The following RFX3 variants were observed in gnomAD, a reference collection of about 807,000 sequenced individuals.
RFX3 encodes transcription factor RFX3.
In RFX3, 14 loss-of-function variants were observed where a neutral mutation model predicts 98.6. The observed-to-expected ratio is 0.14, with a 90% CI of 0.09 to 0.22. RFX3 has a LOEUF of 0.22. Ranked by LOEUF, RFX3 falls within the 10% of genes least tolerant of loss-of-function variation. The probability of loss-of-function intolerance (pLI) is 1.00; values close to 1 mark genes in which losing one functional copy is unlikely to be tolerated. For missense variants in RFX3, 639 were observed against 926.9 expected (o/e 0.69, Z 4.03); for synonymous variants, 383 against 328.4 (o/e 1.17, Z -1.80).
At chr9:3,269,958 G>A (rs1451574319) in intron 11 of RFX3, among the ~76,000 whole-genome samples, 1 of 151,888 alleles carries the variant, frequency 6.6e-6, no homozygotes, top group African/African-American at 2.4e-5. Context: ...GTGTCCTTGG[G>A]TAGAATAATT....
chr9:3,459,134 TGA>T (rs986831219), intron 1 of RFX3, among the ~76,000 whole-genome samples: 39 of 152,208 alleles, frequency 2.6e-4, no homozygotes, highest in African/African-American at 9.4e-4. Flanking sequence ...CCCTATCACT[TGA>T]GAGATGAATC....
chr9:3,419,025 T>C (rs561966282), intron 1 of RFX3, among the ~76,000 whole-genome samples: 30 of 152,364 alleles, frequency 2.0e-4, no homozygotes, highest in African/African-American at 6.0e-4. Context: ...CCAGAATTTA[T>C]AGATTTGAAT....
At chr9:3,300,317 T>A (rs1187718810) in intron 5 of RFX3, among the ~76,000 whole-genome samples, 1 of 151,806 alleles carries the variant, frequency 6.6e-6, no homozygotes, top group African/African-American at 2.4e-5. Flanking sequence ...GTATAATTTG[T>A]CACCAAATTT....
At position 3,396,111 on chromosome 9, in the gene RFX3, C is replaced by T. The variant is rs543656735; in HGVS notation, c.-8-515G>A. 7.3e-5 allele frequency among the ~76,000 whole-genome samples: 11 copies of T among 151,676 alleles called. No homozygotes were observed. In the East Asian group the frequency reaches 1.6e-3, roughly 21 times the overall value. ...TGTGCAGGTTAGTTACATATGTATA[C>T]GTGTGCCATGTTGGTGTGCTATACC... On this transcript the variant is annotated intron_variant, in intron 1 of 16. Transcript: ENST00000617270.
intron 3 of RFX3, among the ~76,000 whole-genome samples, chr9:3,339,325 T>C (rs1030123384): frequency 6.6e-6 from 1 of 152,116 alleles, no homozygotes; most frequent in Non-Finnish European, 1.5e-5. Flanking sequence ...CTGAAATCAA[T>C]TTTAGCAGAA....
intron 1 of RFX3, among the ~76,000 whole-genome samples, chr9:3,497,155 T>C (rs963262593): frequency 3.3e-5 from 5 of 152,038 alleles, no homozygotes; most frequent in African/African-American, 4.8e-5. Context: ...TGACAAAGTC[T>C]TGAAATGTTA....
At chr9:3,304,515 T>C (rs1445027940) in intron 4 of RFX3, among the ~76,000 whole-genome samples, 1 of 151,962 alleles carries the variant, frequency 6.6e-6, no homozygotes, top group Non-Finnish European at 1.5e-5. Flanking sequence ...CACCCAAATC[T>C]CATCTTGAAT....
intron 1 of RFX3, among the ~76,000 whole-genome samples, chr9:3,427,422 T>A (rs1414140285): frequency 5.8e-5 from 8 of 138,180 alleles, no homozygotes; most frequent in Non-Finnish European, 1.2e-4. Flanking sequence ...TATATAATAA[T>A]ACAATATATA....
chr9:3,247,664 A>G (rs1382612318), intron 15 of RFX3: 1 of 1,427,158 alleles, frequency 7.0e-7, no homozygotes, highest in Non-Finnish European at 9.2e-7. Flanking sequence ...TACAAAATAC[A>G]TATTTAATCC....
intron 16 of RFX3, among the ~76,000 whole-genome samples, chr9:3,226,594 G>A (rs749634333): frequency 5.3e-5 from 8 of 152,028 alleles, no homozygotes; most frequent in South Asian, 2.1e-4. Flanking sequence ...AAGACATCTC[G>A]GCCCACCGAC....
chr9:3,406,068 C>T (rs970431083), intron 1 of RFX3, among the ~76,000 whole-genome samples: 1 of 152,062 alleles, frequency 6.6e-6, no homozygotes, highest in African/African-American at 2.4e-5. Context: ...GTGATCCTCC[C>T]ATCTCAGCCT....
chr9:3,525,953 A>T lies in RFX3; in HGVS notation c.-215T>A, dbSNP rs931193393. On this transcript the variant is annotated 5_prime_UTR_variant, in exon 1 of 17. Transcript: ENST00000617270. ...GAGAGAGAGAGAGGGAGAGAGAGAG[A>T]GAGCGAGAGGGAGAGGGAGACACTC... is the stretch of plus-strand genomic sequence containing the variant. 1.6e-6 allele frequency: 1 copy of T among 644,396 alleles called. No individual in the cohort carries two copies. Among genetic ancestry groups the T allele is most frequent in the Admixed American group, 7.8e-5 (1 of 12,868 alleles). The allele number at this position is 644,396 out of a possible 1,614,324, so 39.9% of individuals were successfully genotyped here.
intron 1 of RFX3, among the ~76,000 whole-genome samples, chr9:3,410,284 C>A (rs1424782619): frequency 2.0e-5 from 3 of 150,596 alleles, no homozygotes; most frequent in Non-Finnish European, 4.4e-5. Flanking sequence ...ACTTGTTTTT[C>A]TCTATCTACC....
chr9:3,321,581 G>T (rs1831326292), intron 4 of RFX3, among the ~76,000 whole-genome samples: 1 of 152,090 alleles, frequency 6.6e-6, no homozygotes, highest in South Asian at 2.1e-4. Flanking sequence ...TGTAAGAGTG[G>T]TCTATAAATT....
At position 3,330,419 on chromosome 9, in the gene RFX3, G is replaced by T. The variant is rs1300615290; in HGVS notation, c.314C>A (p.Thr105Asn). 2 of 1,614,056 alleles carry T rather than the reference G, an allele frequency of 1.2e-6. No individual in the cohort carries two copies. The highest frequency in any genetic ancestry group is 1.7e-6 in the Non-Finnish European group (2 of 1,180,020). The change falls in exon 4 of 17, where the codon ACC becomes AAC. Residue 105 changes from threonine to asparagine, a missense_variant. Thr to Asn is a moderately conservative substitution (Grantham distance 65). Transcript: ENST00000617270. ...DTQGSSAQVT[T>N]VVSSHSMVGT... ...CACCATACTGTGGGATGAGACCACG[G>T]TAGTCACCTGGGCGGAACTCCCTTG...
intron 13 of RFX3, among the ~76,000 whole-genome samples, chr9:3,260,003 T>C (rs965813024): frequency 6.6e-6 from 1 of 151,596 alleles, no homozygotes; most frequent in Non-Finnish European, 1.5e-5. Flanking sequence ...GGGATAAAGG[T>C]AAAATGGGAG....
chr9:3,277,310 G>C (rs929236540), intron 8 of RFX3, 30 bp downstream of exon 8: 1 of 1,603,822 alleles, frequency 6.2e-7, no homozygotes, highest in Non-Finnish European at 8.5e-7. Flanking sequence ...AATCCTAGTA[G>C]CAACTAATAT....
intron 6 of RFX3, among the ~76,000 whole-genome samples, chr9:3,290,350 A>G (rs1001273081): frequency 2.0e-5 from 3 of 152,188 alleles, no homozygotes; most frequent in South Asian, 2.1e-4. Context: ...AACAACCCCA[A>G]TTTTGTCCCT....
chr9:3,446,750 ACGT>A (rs1846090781), intron 1 of RFX3, among the ~76,000 whole-genome samples: 2 of 152,110 alleles, frequency 1.3e-5, no homozygotes, highest in Admixed American at 1.3e-4. Flanking sequence ...AATTGGAGTA[ACGT>A]ATGGTACATT....
Sources: allele counts gnomAD v4.1 joint callset (sites outside exome capture counted in the v4.1 genomes callset), GRCh38; gene constraint gnomAD v4.1.1; transcripts MANE v1.5; gene names NCBI Gene and HGNC (gene_info 2026-07-23, HGNC 2026-07-21).